ADSS1: variants seen among roughly 807,000 people sequenced by gnomAD.
ADSS1 encodes adenylosuccinate synthetase isozyme 1.
A neutral mutation model predicts 59.1 loss-of-function variants in ADSS1; 57 were observed. That is an observed-to-expected ratio of 0.97 (90% confidence interval 0.78 to 1.20). ADSS1 has a LOEUF of 1.20. Among genes scored for constraint, ADSS1 ranks in the 50% most tolerant of loss-of-function variants. The pLI is 0.00. For missense variants in ADSS1, 603 were observed against 610.3 expected (o/e 0.99, Z 0.13); for synonymous variants, 247 against 249.4 (o/e 0.99, Z 0.09).
chr14:104,733,416 ATCTGCCCCCCC>A (rs1891002904), intron 1 of ADSS1, among the ~76,000 whole-genome samples: 1 of 152,134 alleles, frequency 6.6e-6, no homozygotes, highest in African/African-American at 2.4e-5. Context: ...GCATCTCTGG[ATCTGCCCCCCC>A]TCTGTCCCCA....
At chr14:104,736,901 T>TGC (rs1891153272) in intron 2 of ADSS1, among the ~76,000 whole-genome samples, 1 of 92,014 alleles carries the variant, frequency 1.1e-5, no homozygotes, top group Non-Finnish European at 2.3e-5. Context: ...TATATATATA[T>TGC]ATATATATAT....
intron 3 of ADSS1, among the ~76,000 whole-genome samples, chr14:104,738,955 G>A (rs939664064): frequency 6.6e-6 from 1 of 152,196 alleles, no homozygotes; most frequent in African/African-American, 2.4e-5. Flanking sequence ...TGATTCTGGG[G>A]ACATGGGCAC....
chr14:104,739,884 C>A, intron 5 of ADSS1, 68 bp downstream of exon 5: 2 of 1,545,656 alleles, frequency 1.3e-6, no homozygotes, highest in Non-Finnish European at 1.8e-6. Flanking sequence ...GACTGTGGGG[C>A]GTGTCTGGTC....
chr14:104,732,773 A>G lies in ADSS1; in HGVS notation c.193-2247A>G, dbSNP rs1890977168. On this transcript the variant is annotated intron_variant, in intron 1 of 12. Coordinates refer to ENST00000330877, the MANE Select transcript of ADSS1 (RefSeq NM_152328.5). ...AGGCTTCCCTTCTCTCAGTTTCCCTACCTGTCCTCAGAGACCTCACCCCTG... is the reference window on the plus strand; with the variant it reads ...AGGCTTCCCTTCTCTCAGTTTCCCTGCCTGTCCTCAGAGACCTCACCCCTG... 1.3e-5 allele frequency among the ~76,000 whole-genome samples: 2 copies of G among 151,978 alleles called. 1 individual carries two copies. Among genetic ancestry groups the G allele is most frequent in the South Asian group, 4.1e-4 (2 of 4,826 alleles).
At position 104,742,083 on chromosome 14, in the gene ADSS1, G is replaced by A. The variant is rs1891387269; in HGVS notation, c.948+81G>A. ...GCCGGGGGTGGGGTGAGCAGTGCCA[G>A]GGTGGAGGCTCTGCGGACCTTGCCA... On this transcript the variant is annotated intron_variant, in intron 9 of 12. Coordinates refer to ENST00000330877, the MANE Select transcript of ADSS1 (RefSeq NM_152328.5). 6 of 1,549,714 alleles carry A rather than the reference G, an allele frequency of 3.9e-6. No individual in the cohort carries two copies. The South Asian group carries it at 5.9e-5, about 15-fold the overall frequency.
At position 104,740,766 on chromosome 14, in the gene ADSS1, G is replaced by A. The variant is rs1566800580; in HGVS notation, c.584+58G>A. ...TGGGGAGAAGTTGCCGGAAGGGACT[G>A]TGGCTAGTGGGGAGGGCCCTGAGGA... is the stretch of plus-strand genomic sequence containing the variant. On this transcript the variant is annotated intron_variant, in intron 6 of 12. Transcript: ENST00000330877. This position sits in a 1 kb window ranked among gnomAD's most constrained non-coding sequence, Gnocchi z 4.8. 3 of 1,612,688 alleles carry A rather than the reference G, an allele frequency of 1.9e-6. No homozygotes were observed. Among genetic ancestry groups the A allele is most frequent in the Non-Finnish European group, 2.5e-6 (3 of 1,178,894 alleles).
intron 9 of ADSS1, among the ~76,000 whole-genome samples, chr14:104,742,210 C>T (rs1209509442): frequency 1.3e-5 from 2 of 152,246 alleles, no homozygotes; most frequent in Admixed American, 1.3e-4. Flanking sequence ...GGCCACAGCA[C>T]GTGAGCTCAC....
In ADSS1 at chr14:104,740,292, G is replaced by A. The variant is rs767453739; in HGVS notation, c.477-309G>A. Among the ~76,000 whole-genome samples, 14 of 151,636 alleles carry A rather than the reference G, an allele frequency of 9.2e-5. No individual in the cohort carries two copies. Among genetic ancestry groups the A allele is most frequent in the Non-Finnish European group, 1.6e-4 (11 of 67,938 alleles). ...TCTTACATACACACCACACGCCCACGCATGCTCGCACAGTTATGCACATGT... is the reference window on the plus strand; with the variant it reads ...TCTTACATACACACCACACGCCCACACATGCTCGCACAGTTATGCACATGT... On this transcript the variant is annotated intron_variant, in intron 5 of 12. Coordinates refer to ENST00000330877, the MANE Select transcript of ADSS1 (RefSeq NM_152328.5). The surrounding 1 kb of genome is among the most constrained non-coding windows in gnomAD (Gnocchi z 4.8).
rs373108348 is a variant in ADSS1 at position 104,746,373 on chromosome 14, G to T, written c.1309G>T (p.Val437Leu). 1.2e-6 allele frequency: 2 copies of T among 1,611,942 alleles called. No individual in the cohort carries two copies. The highest frequency in any genetic ancestry group is 4.5e-5 in the East Asian group (2 of 44,830). ...QNYIRFVENH[V>L]GVAVKWVGVG... ...CTACATCCGCTTTGTGGAGAATCAC[G>T]TGGGAGTCGCAGGTGGGTGCCCTGC... is the stretch of plus-strand genomic sequence containing the variant. The change falls in exon 12 of 13, where the codon GTG becomes TTG. Residue 437 changes from valine (V) to leucine (L), a missense_variant. Val to Leu is a conservative substitution (Grantham distance 32, BLOSUM62 1). Coordinates refer to ENST00000330877, the MANE Select transcript of ADSS1 (RefSeq NM_152328.5).
chr14:104,744,594 T>C (rs1044232808), intron 10 of ADSS1: 6 of 568,028 alleles, frequency 1.1e-5, no homozygotes, highest in Non-Finnish European at 1.9e-5. Context: ...GAGAATTGAA[T>C]GACAGGAGGT....
chr14:104,741,772 G>A, intron 8 of ADSS1, 76 bp from the exon 9 acceptor site: 1 of 1,570,586 alleles, frequency 6.4e-7, no homozygotes, highest in South Asian at 1.2e-5. Flanking sequence ...GCCCTTTACT[G>A]AGAAGGCCTC....
chr14:104,746,330 G>GC lies in ADSS1; in HGVS notation c.1271dup (p.Gln425ThrfsTer38). The GC allele has an allele frequency of 6.2e-7, 1 of 1,613,824 alleles. No individual in the cohort carries two copies. Among genetic ancestry groups the GC allele is most frequent in the Non-Finnish European group, 8.5e-7 (1 of 1,179,970 alleles). ...CAGGCGCCAGGAGGTGGGAGGACCT[G>GC]CCCCCACAGGCCCAGAACTACATCC... On this transcript the variant is annotated frameshift_variant, in exon 12 of 13. Coordinates refer to ENST00000330877, the MANE Select transcript of ADSS1 (RefSeq NM_152328.5). LOFTEE classifies it high-confidence loss of function.
chr14:104,745,970 T>A (rs982873610), intron 11 of ADSS1: 1 of 311,488 alleles, frequency 3.2e-6, no homozygotes, highest in East Asian at 5.3e-5. Flanking sequence ...GATGTCACAG[T>A]GGAGGTTCTA....
Position 104,741,190 on chromosome 14 carries a change from C to A in ADSS1, c.740C>A (p.Pro247His), listed in dbSNP as rs140869903. 55 of 1,612,010 alleles carry A rather than the reference C, an allele frequency of 3.4e-5. No homozygotes were observed. The highest frequency in any genetic ancestry group is 4.2e-5 in the Non-Finnish European group (49 of 1,179,088). Residue 247 changes from proline (P) to histidine (H), a missense_variant, in exon 8 of 13, where the codon CCC becomes CAC. Physicochemically the swap from Pro to His is moderately conservative, Grantham distance 77. Transcript: ENST00000330877. ...YFMYEALHGP[P>H]KKILVEGANA... is the part of the protein sequence containing the mutation. ...ATGTATGAGGCACTCCACGGCCCCC[C>A]CAAGAAGATCCTGGTGGAGGGTGCC...
chr14:104,742,844 G>A (rs1380612565), intron 9 of ADSS1, among the ~76,000 whole-genome samples: 2 of 152,164 alleles, frequency 1.3e-5, no homozygotes, highest in Non-Finnish European at 2.9e-5. Flanking sequence ...CGCCGGCTCG[G>A]GTGGCATTGT....
chr14:104,735,434 G>T (rs189546799), intron 2 of ADSS1, among the ~76,000 whole-genome samples: 75 of 152,346 alleles, frequency 4.9e-4, no homozygotes, highest in African/African-American at 1.4e-3. Context: ...CATACTTCCT[G>T]TGTGGGCATG....
intron 9 of ADSS1, 88 bp downstream of exon 9, chr14:104,742,090 G>A (rs1374426479): frequency 6.5e-7 from 1 of 1,536,218 alleles, no homozygotes; most frequent in African/African-American, 1.4e-5. Context: ...CCAGGGTGGA[G>A]GCTCTGCGGA....
intron 4 of ADSS1, 142 bp from the exon 5 acceptor site, chr14:104,739,608 C>G: frequency 2.0e-6 from 2 of 1,010,154 alleles, no homozygotes; most frequent in South Asian, 3.1e-5. Context: ...CACTCATGGT[C>G]ACACCCCAGT....
rs1432706365 is a variant in ADSS1 at position 104,728,023 on chromosome 14, G to A, written c.192+3561G>A. Among the ~76,000 whole-genome samples the A allele has an allele frequency of 2.6e-5, 4 of 152,344 alleles. No homozygotes were observed. The East Asian group carries it at 7.7e-4, about 29-fold the overall frequency. ...AGAGCCAGTGTCCAGCCAGCAGACGGGTGGAAAGCTATGGCCATGTATGCA... is the reference window on the plus strand; with the variant it reads ...AGAGCCAGTGTCCAGCCAGCAGACGAGTGGAAAGCTATGGCCATGTATGCA... On this transcript the variant is annotated intron_variant, in intron 1 of 12. Transcript: ENST00000330877.
Sources: allele counts gnomAD v4.1 joint callset (sites outside exome capture counted in the v4.1 genomes callset), GRCh38; gene constraint gnomAD v4.1.1; non-coding constraint Gnocchi (gnomAD v3.1); transcripts MANE v1.5; gene names NCBI Gene and HGNC (gene_info 2026-07-23, HGNC 2026-07-21).